The following PHACTR2 variants were observed in gnomAD, a reference collection of about 807,000 sequenced individuals.
PHACTR2 encodes the protein chromosome 6 open reading frame 56.
In PHACTR2, 30 loss-of-function variants were observed where a neutral mutation model predicts 76.0. That is an observed-to-expected ratio of 0.39 (90% CI 0.30 to 0.54). The LOEUF is 0.54. Ranked by LOEUF, PHACTR2 falls within the 20% of genes least tolerant of loss-of-function variation. The pLI, the probability that PHACTR2 is intolerant of heterozygous loss-of-function variation, is 0.61. For synonymous variants in PHACTR2, 292 were observed against 292.5 expected, an observed-to-expected ratio of 1.00 and a Z score of 0.02; for missense variants, 696 against 781.1, an observed-to-expected ratio of 0.89 and a Z score of 1.30.
In PHACTR2 at chr6:143,564,135, T is replaced by C. The variant is rs1196301848; in HGVS notation, c.217+26928T>C. Among the ~76,000 whole-genome samples, 3 of 146,964 alleles carry C rather than the reference T, an allele frequency of 2.0e-5. No homozygotes were observed. In the East Asian group the frequency reaches 5.9e-4, roughly 29 times the overall value. On this transcript the variant is annotated intron_variant, in intron 1 of 11. Transcript: ENST00000367584. ...TGTTAAACTGTTTACTTTTTTAAGT[T>C]TTTAGTCTGTCTTAGTTATATGTGT...
At chr6:143,785,454 G>A (rs1267086376) in intron 10 of PHACTR2, among the ~76,000 whole-genome samples, 1 of 152,206 alleles carries the variant, frequency 6.6e-6, no homozygotes, top group Non-Finnish European at 1.5e-5. Context: ...TCACAGACTA[G>A]TGTTGAGTGT....
At position 143,597,825 on chromosome 6, in the gene PHACTR2, C is replaced by T. The variant is rs1160360422; in HGVS notation, c.217+60618C>T. Among the ~76,000 whole-genome samples the T allele has an allele frequency of 3.3e-5, 5 of 152,104 alleles. No homozygotes were observed. Among genetic ancestry groups the T allele is most frequent in the Admixed American group, 1.3e-4 (2 of 15,276 alleles). ...ATATTGACATTCTTTTTTATAATTT[C>T]GCTACCATTTTATCCTGAGAAATTC... On this transcript the variant is annotated intron_variant, in intron 1 of 11. Coordinates refer to the PHACTR2 transcript ENST00000367584. The surrounding 1 kb of genome is among the most constrained non-coding windows in gnomAD (Gnocchi z 5.7).
chr6:143,814,884 G>A (rs1395122153), intron 12 of PHACTR2, among the ~76,000 whole-genome samples: 1 of 152,146 alleles, frequency 6.6e-6, no homozygotes, highest in African/African-American at 2.4e-5. Context: ...TTACAGGCGT[G>A]AGCCACCGCC....
chr6:143,749,400 A>G (rs747841070), intron 3 of PHACTR2, among the ~76,000 whole-genome samples: 4 of 152,156 alleles, frequency 2.6e-5, no homozygotes, highest in Non-Finnish European at 5.9e-5. Context: ...TTCTATTCAC[A>G]TGAAACTCAT....
upstream of PHACTR2, chr6:143,608,052 G>C (rs955207236): frequency 1.3e-5 from 7 of 538,050 alleles, no homozygotes; most frequent in South Asian, 1.7e-4. This position sits in a 1 kb window ranked among gnomAD's most constrained non-coding sequence, Gnocchi z 4.6. Flanking sequence ...TTAGAGCAGA[G>C]GTGGAAACCC....
upstream of PHACTR2, among the ~76,000 whole-genome samples, chr6:143,675,008 A>G (rs557353952): frequency 6.6e-6 from 1 of 152,332 alleles, no homozygotes; most frequent in African/African-American, 2.4e-5. The surrounding 1 kb of genome is among the most constrained non-coding windows in gnomAD (Gnocchi z 4.9). Flanking sequence ...GAGGAGTGCA[A>G]GTGTCACTTT....
At chr6:143,802,727 A>C (rs1444923569) in intron 11 of PHACTR2, among the ~76,000 whole-genome samples, 1 of 151,460 alleles carries the variant, frequency 6.6e-6, no homozygotes, top group African/African-American at 2.4e-5. Context: ...CTTTGCAAAG[A>C]AGAGAGTTAA....
chr6:143,675,273 G>T (rs1423428042), upstream of PHACTR2, among the ~76,000 whole-genome samples: 1 of 152,190 alleles, frequency 6.6e-6, no homozygotes, highest in African/African-American at 2.4e-5. The surrounding 1 kb of genome is among the most constrained non-coding windows in gnomAD (Gnocchi z 4.9). Flanking sequence ...ATCAGTAGAT[G>T]CCATTAGTCT....
intron 4 of PHACTR2, among the ~76,000 whole-genome samples, chr6:143,759,175 AC>A (rs1779374312): frequency 6.6e-6 from 1 of 152,250 alleles, no homozygotes; most frequent in Non-Finnish European, 1.5e-5. Flanking sequence ...TCTTTCAGTA[AC>A]AAGAGACTAA....
In PHACTR2 at chr6:143,783,292, A is replaced by G. The variant is rs1286807804; in HGVS notation, c.1707+12A>G. On this transcript the variant is annotated intron_variant, in intron 10 of 12. Coordinates refer to ENST00000440869, the MANE Select transcript of PHACTR2 (RefSeq NM_001100164.2). The surrounding 1 kb of genome is among the most constrained non-coding windows in gnomAD (Gnocchi z 5.2). The stretch of plus-strand genomic sequence containing the variant: ...GACTCAGCAGAAAGGTAATGAAATC[A>G]TAACTATTAATGAGCATATGTGTTT... 3.9e-6 allele frequency: 6 copies of G among 1,544,698 alleles called. No individual in the cohort carries two copies. Among genetic ancestry groups the G allele is most frequent in the Admixed American group, 3.3e-5 (2 of 59,704 alleles).
At chr6:143,707,418 G>A (rs775593616) in intron 1 of PHACTR2, among the ~76,000 whole-genome samples, 41 of 152,194 alleles carry the variant, frequency 2.7e-4, no homozygotes, top group East Asian at 7.7e-4. Context: ...CTTTTTTCCC[G>A]CAGGGCGGCT....
chr6:143,701,165 C>A (rs1448414034), intron 1 of PHACTR2, among the ~76,000 whole-genome samples: 1 of 152,188 alleles, frequency 6.6e-6, no homozygotes, highest in Non-Finnish European at 1.5e-5. Context: ...GGATGTCATG[C>A]AGCTGCACAA....
rs953974753 is a variant in PHACTR2, at chr6:143,698,123, A to G, written c.47-13893A>G. On this transcript the variant is annotated intron_variant, in intron 1 of 12. Coordinates refer to ENST00000440869, the MANE Select transcript of PHACTR2 (RefSeq NM_001100164.2). This position sits in a 1 kb window ranked among gnomAD's most constrained non-coding sequence, Gnocchi z 4.3. ...AGTATTGAAAATCTAAATAAAAATT[A>G]TATTAGAAAAGGATTTTGGAATAAG... is the stretch of plus-strand genomic sequence containing the variant. Among the ~76,000 whole-genome samples the G allele has an allele frequency of 6.6e-6, 1 of 152,210 alleles. No individual in the cohort carries two copies. The highest frequency in any genetic ancestry group is 2.4e-5 in the African/African-American group (1 of 41,450).
chr6:143,620,942 A>G lies in PHACTR2; in HGVS notation c.13+12620A>G, dbSNP rs190056234. The stretch of plus-strand genomic sequence containing the variant: ...CTATGTTGAAGCTCTCTGTACTAGG[A>G]TATGCAACCAGGTGATCAGGGACTG... On this transcript the variant is annotated intron_variant, in intron 1 of 11. Coordinates refer to the PHACTR2 transcript ENST00000305766. Among the ~76,000 whole-genome samples, 734 of 152,320 alleles carry G rather than the reference A, an allele frequency of 4.8e-3. 5 individuals carry two copies. Among genetic ancestry groups the G allele is most frequent in the Middle Eastern group, 0.01 (3 of 294 alleles).
chr6:143,586,217 GAGAA>G (rs1362529165), intron 1 of PHACTR2, among the ~76,000 whole-genome samples: 1 of 146,668 alleles, frequency 6.8e-6, no homozygotes, highest in African/African-American at 2.5e-5. Flanking sequence ...AAAAGAGAGA[GAGAA>G]GGAGAGAGAG....
rs1486726567 is a variant in PHACTR2, at chr6:143,658,183, G to A, written c.13+49861G>A. 1.3e-5 allele frequency among the ~76,000 whole-genome samples: 2 copies of A among 152,146 alleles called. No homozygotes were observed. The highest frequency in any genetic ancestry group is 2.9e-5 in the Non-Finnish European group (2 of 68,020). ...GTAGAATTTCTGAGTCATAGGGTAG[G>A]TGTATGTTTAACATTACAGAAACTG... On this transcript the variant is annotated intron_variant, in intron 1 of 11. Transcript: ENST00000305766. The surrounding 1 kb of genome is among the most constrained non-coding windows in gnomAD (Gnocchi z 4.1).
In PHACTR2 at chr6:143,548,247, G is replaced by A. The variant is rs903652987; in HGVS notation, c.217+11040G>A. Among the ~76,000 whole-genome samples the A allele has an allele frequency of 6.7e-6, 1 of 150,280 alleles. No homozygotes were observed. Among genetic ancestry groups the A allele is most frequent in the African/African-American group, 2.4e-5 (1 of 41,282 alleles). Reference sequence around the variant, plus strand: ...TAATGACACTAATTTCATTCATGAAGGTTCCACCCTCAATACCTCATCTAA... The same window carrying A: ...TAATGACACTAATTTCATTCATGAAAGTTCCACCCTCAATACCTCATCTAA... On this transcript the variant is annotated intron_variant, in intron 1 of 11. Coordinates refer to the PHACTR2 transcript ENST00000367584. This position sits in a 1 kb window ranked among gnomAD's most constrained non-coding sequence, Gnocchi z 4.5.
rs570121592 is a variant in PHACTR2, at chr6:143,768,232, A to G, written c.1232+2434A>G. On this transcript the variant is annotated intron_variant, in intron 6 of 12. Coordinates refer to ENST00000440869, the MANE Select transcript of PHACTR2 (RefSeq NM_001100164.2). ...ACACAGCAAATGTCTTCATTTAACT[A>G]TAGTGAGTATTTTCCAACATTGCCA... Among the ~76,000 whole-genome samples the G allele has an allele frequency of 1.1e-4, 17 of 152,354 alleles. No individual in the cohort carries two copies. The South Asian group carries it at 3.1e-3, about 28-fold the overall frequency.
chr6:143,746,967 G>A, intron 2 of PHACTR2, among the ~76,000 whole-genome samples: 1 of 152,162 alleles, frequency 6.6e-6, no homozygotes, highest in East Asian at 1.9e-4. Context: ...AAGGAAGGGA[G>A]GGAAGCCTTC....
Sources: allele counts gnomAD v4.1 joint callset (sites outside exome capture counted in the v4.1 genomes callset), GRCh38; gene constraint gnomAD v4.1.1; non-coding constraint Gnocchi (gnomAD v3.1); transcripts MANE v1.5; gene names NCBI Gene and HGNC (gene_info 2026-07-23, HGNC 2026-07-21).